The following NBEAL1 variants were observed in gnomAD, a reference collection of about 807,000 sequenced individuals.
NBEAL1 encodes neurobeachin-like protein 1.
In NBEAL1, 273 loss-of-function variants were observed where a neutral mutation model predicts 351.3. That is an observed-to-expected ratio of 0.78 (90% CI 0.70 to 0.86). NBEAL1 has a LOEUF of 0.86. NBEAL1 is among the 40% of genes least tolerant of loss of function. The pLI is 0.00. For synonymous variants in NBEAL1, 1,050 were observed against 1,086.4 expected (o/e 0.97, Z 0.66); for missense variants, 2,961 against 3,201.3 (o/e 0.92, Z 1.81).
chr2:203,181,822 T>C (rs1365171929), intron 43 of NBEAL1: 1 of 152,234 alleles, frequency 6.6e-6, no homozygotes, highest in Admixed American at 6.5e-5. Flanking sequence ...ATCTGTTGTC[T>C]GAGTCTGATC....
chr2:203,187,830 G>A (rs575885199), intron 44 of NBEAL1, among the ~76,000 whole-genome samples: 1 of 152,034 alleles, frequency 6.6e-6, no homozygotes, highest in African/African-American at 2.4e-5. Context: ...AAGCCAAATG[G>A]CACTTTAAAA....
chr2:203,176,647 G>T (rs1033017669), intron 42 of NBEAL1, among the ~76,000 whole-genome samples: 1 of 150,886 alleles, frequency 6.6e-6, no homozygotes, highest in South Asian at 2.1e-4. Flanking sequence ...CATGAGAGTC[G>T]CTTGAACATG....
At chr2:203,162,701 A>G (rs1218600477) in intron 36 of NBEAL1, among the ~76,000 whole-genome samples, 1 of 152,198 alleles carries the variant, frequency 6.6e-6, no homozygotes, top group East Asian at 1.9e-4. Flanking sequence ...GCAAGATTGC[A>G]GTGATTTTAT....
At chr2:203,155,938 G>A (rs1252305039) in intron 35 of NBEAL1, among the ~76,000 whole-genome samples, 1 of 152,026 alleles carries the variant, frequency 6.6e-6, no homozygotes, top group Non-Finnish European at 1.5e-5. Flanking sequence ...TATATGTAAT[G>A]CTCCTTTCCC....
chr2:203,092,175 G>C (rs2062077980), intron 10 of NBEAL1, among the ~76,000 whole-genome samples: 1 of 152,126 alleles, frequency 6.6e-6, no homozygotes, highest in Non-Finnish European at 1.5e-5. Context: ...TAGAAAAATA[G>C]CAGAAATATG....
chr2:203,087,157 A>C (rs1220341240), intron 10 of NBEAL1, among the ~76,000 whole-genome samples: 1 of 132,794 alleles, frequency 7.5e-6, no homozygotes, highest in Non-Finnish European at 1.5e-5. Flanking sequence ...GCAGTGGCGC[A>C]GTCTCTGCTC....
intron 51 of NBEAL1, among the ~76,000 whole-genome samples, chr2:203,203,936 GT>G (rs971703378): frequency 6.8e-6 from 1 of 147,400 alleles, no homozygotes; most frequent in African/African-American, 2.5e-5. Flanking sequence ...GTTATTTTTT[GT>G]TTTTTTGAGA....
At chr2:203,091,013 G>T (rs918079134) in intron 10 of NBEAL1, among the ~76,000 whole-genome samples, 2 of 152,128 alleles carry the variant, frequency 1.3e-5, no homozygotes, top group African/African-American at 4.8e-5. Context: ...TAAAAATTTA[G>T]CATCTTAACC....
At chr2:203,101,975 C>A (rs143444016) in intron 12 of NBEAL1, among the ~76,000 whole-genome samples, 57 of 152,286 alleles carry the variant, frequency 3.7e-4, no homozygotes, top group Non-Finnish European at 4.6e-4. Flanking sequence ...GGTGTCATCT[C>A]GGATTTCTTT....
Position 203,144,764 on chromosome 2 carries a change from C to T in NBEAL1, c.5013C>T (p.Thr1671=). ...IYSFLIPLVR[T]LVSKIYELLF... is the part of the protein sequence containing the mutation. Reference sequence around the variant, plus strand: ...CATTTCTGATTCCCCTTGTTCGTACCCTGGTTTCCAAAATTTATGAGCTTC... The same window carrying T: ...CATTTCTGATTCCCCTTGTTCGTACTCTGGTTTCCAAAATTTATGAGCTTC... The change falls in exon 32 of 56, where the codon ACC becomes ACT. Residue 1671 remains threonine (T), a synonymous_variant. Transcript: ENST00000683969. 1 of 1,614,048 alleles carries T rather than the reference C, an allele frequency of 6.2e-7. No individual in the cohort carries two copies. The highest frequency in any genetic ancestry group is 8.5e-7 in the Non-Finnish European group (1 of 1,180,006).
intron 42 of NBEAL1, among the ~76,000 whole-genome samples, chr2:203,179,376 G>A (rs2064628388): frequency 6.6e-6 from 1 of 152,144 alleles, no homozygotes; most frequent in Admixed American, 6.5e-5. Flanking sequence ...AGGCTGAGGT[G>A]GGAGAATCTC....
Position 203,126,035 on chromosome 2 carries a change from A to C in NBEAL1, c.2927A>C (p.Asn976Thr). The C allele has an allele frequency of 6.5e-7, 1 of 1,544,582 alleles. No individual in the cohort carries two copies. Among genetic ancestry groups the C allele is most frequent in the Non-Finnish European group, 8.7e-7 (1 of 1,144,082 alleles). Reference sequence around the variant, plus strand: ...CATTTTATTCAGAGACATCCTATCAACCAGGGCAATCTTATTCACTCCCAT... The same window carrying C: ...CATTTTATTCAGAGACATCCTATCACCCAGGGCAATCTTATTCACTCCCAT... ...VKHFIQRHPI[N>T]QGNLIHSHGV... Residue 976 changes from asparagine to threonine, a missense_variant, in exon 21 of 56, where the codon AAC becomes ACC. Physicochemically the swap from Asn to Thr is moderately conservative, Grantham distance 65. Coordinates refer to ENST00000683969, the MANE Select transcript of NBEAL1 (RefSeq NM_001378026.1).
chr2:203,182,601 A>G (rs1274692391), intron 43 of NBEAL1: 1 of 152,244 alleles, frequency 6.6e-6, no homozygotes, highest in African/African-American at 2.4e-5. Flanking sequence ...CATAAAACCA[A>G]AGACCCTGTG....
chr2:203,191,170 G>C (rs987347050), intron 46 of NBEAL1: 6 of 1,577,472 alleles, frequency 3.8e-6, no homozygotes, highest in Non-Finnish European at 5.2e-6. Flanking sequence ...AACCATTAAA[G>C]AGATCCTGGG....
At position 203,188,540 on chromosome 2, in the gene NBEAL1, AC is replaced by A; in HGVS notation, c.6776del (p.Pro2259GlnfsTer4). ...DLIFGYKQRG[P>X]AAVEALNVFY... ...TGATCTTTGGCTATAAACAGAGGGG[AC>A]CAGCTGCAGTAGAGGCACTCAACGT... On this transcript the variant is annotated frameshift_variant, in exon 45 of 56. Coordinates refer to ENST00000683969, the MANE Select transcript of NBEAL1 (RefSeq NM_001378026.1). LOFTEE classifies it high-confidence loss of function. 1 of 1,610,052 alleles carries A rather than the reference AC, an allele frequency of 6.2e-7. No individual in the cohort carries two copies. Among genetic ancestry groups the A allele is most frequent in the Non-Finnish European group, 8.5e-7 (1 of 1,178,178 alleles).
At chr2:203,136,806 CT>C (rs1168615244) in intron 29 of NBEAL1, 32 bp downstream of exon 29, 1 of 1,583,762 alleles carries the variant, frequency 6.3e-7, no homozygotes. Flanking sequence ...TTCCATCCTC[CT>C]TTTGGTGACA....
chr2:203,167,118 A>G, intron 37 of NBEAL1, 109 bp from the exon 38 acceptor site: 2 of 1,020,838 alleles, frequency 2.0e-6, no homozygotes, highest in East Asian at 2.5e-5. Context: ...TAGTACAGAA[A>G]TTGAATTCCT....
chr2:203,079,305 A>G (rs11690927), intron 8 of NBEAL1, among the ~76,000 whole-genome samples: 68,152 of 152,038 alleles, frequency 0.45, 17,540 homozygotes, highest in Middle Eastern at 0.67. Flanking sequence ...AGGTTGAGCA[A>G]TTCGTGGCTC....
chr2:203,116,808 G>A (rs1078431), intron 18 of NBEAL1, among the ~76,000 whole-genome samples: 54,558 of 132,722 alleles, frequency 0.41, 11,773 homozygotes, highest in East Asian at 0.59. Flanking sequence ...AAAAAAAAAA[G>A]GGGGGGGCCC....
Sources: allele counts gnomAD v4.1 joint callset (sites outside exome capture counted in the v4.1 genomes callset), GRCh38; gene constraint gnomAD v4.1.1; transcripts MANE v1.5; gene names NCBI Gene and HGNC (gene_info 2026-07-23, HGNC 2026-07-21).